PATJ: variants seen among roughly 807,000 people sequenced by gnomAD.
PATJ encodes PATJ crumbs cell polarity complex component.
PATJ carries 190 observed loss-of-function variants against 224.9 expected under a neutral mutation model. The ratio of observed to expected loss-of-function variants is 0.84; its 90% CI spans 0.75 to 0.95. PATJ has a LOEUF of 0.95. Among genes scored for constraint, PATJ ranks in the 40% least tolerant of loss-of-function variants. PATJ has a pLI of 0.00. For synonymous variants in PATJ, 769 were observed against 820.3 expected, an observed-to-expected ratio of 0.94 and a Z score of 1.07; for missense variants, 2,121 against 2,270.3, an observed-to-expected ratio of 0.93 and a Z score of 1.34.
At chr1:61,986,606 A>T (rs1179911805) in intron 27 of PATJ, among the ~76,000 whole-genome samples, 1 of 152,006 alleles carries the variant, frequency 6.6e-6, no homozygotes, top group Non-Finnish European at 1.5e-5. Flanking sequence ...TTTTTTGTAC[A>T]AACGGGGTCT....
intron 37 of PATJ, among the ~76,000 whole-genome samples, chr1:62,119,457 G>T (rs762148182): frequency 6.6e-6 from 1 of 152,148 alleles, no homozygotes; most frequent in Non-Finnish European, 1.5e-5. Flanking sequence ...ATAAGCTCTT[G>T]ACTTAATTCA....
chr1:61,949,411 A>T (rs769285834), intron 27 of PATJ, among the ~76,000 whole-genome samples: 6 of 150,182 alleles, frequency 4.0e-5, no homozygotes, highest in Non-Finnish European at 8.8e-5. Flanking sequence ...TGGTTGCACA[A>T]CTCCAATATA....
intron 27 of PATJ, among the ~76,000 whole-genome samples, chr1:61,961,735 G>C (rs944701153): frequency 6.6e-6 from 1 of 152,002 alleles, no homozygotes; most frequent in Non-Finnish European, 1.5e-5. Context: ...TTGGGAGGCC[G>C]AGGCAGGTGG....
intron 31 of PATJ, among the ~76,000 whole-genome samples, chr1:62,075,367 G>A (rs1466166918): frequency 1.3e-5 from 2 of 152,172 alleles, no homozygotes; most frequent in African/African-American, 4.8e-5. Flanking sequence ...GGACATAAAA[G>A]CATTAATAGC....
chr1:61,849,624 C>T (rs1662507141), intron 17 of PATJ, among the ~76,000 whole-genome samples: 1 of 152,124 alleles, frequency 6.6e-6, no homozygotes, highest in Admixed American at 6.6e-5. Flanking sequence ...ATGAGTTAAC[C>T]ATATTTCCTC....
intron 14 of PATJ, among the ~76,000 whole-genome samples, chr1:61,817,631 C>T (rs954172538): frequency 3.9e-5 from 6 of 152,048 alleles, no homozygotes; most frequent in African/African-American, 1.2e-4. Flanking sequence ...ATTGCACTCC[C>T]GCCTGGGCAA....
chr1:61,860,854 A>G (rs1242502651), intron 18 of PATJ, among the ~76,000 whole-genome samples: 2 of 151,140 alleles, frequency 1.3e-5, no homozygotes, highest in African/African-American at 4.9e-5. Flanking sequence ...AAAAAAGATG[A>G]GGATTGCATG....
intron 27 of PATJ, among the ~76,000 whole-genome samples, chr1:61,984,365 G>A (rs11207885): frequency 0.23 from 34,163 of 151,148 alleles, 4,274 homozygotes; most frequent in East Asian, 0.36. Context: ...TCACTATACT[G>A]GCCAGGCTGG....
chr1:62,161,389 A>C lies in PATJ; in HGVS notation c.*335A>C, dbSNP rs1669832928. 1.3e-5 allele frequency: 2 copies of C among 156,926 alleles called. No homozygotes were observed. The highest frequency in any genetic ancestry group is 1.9e-4 in the Admixed American group (2 of 10,780). The allele number at this position is 156,926 out of a possible 1,614,324, so 9.7% of individuals were successfully genotyped here. A position where few individuals can be genotyped will look rare whatever the true frequency, so the allele number is the denominator to read the frequency against. On this transcript the variant is annotated 3_prime_UTR_variant, in exon 44 of 44. Transcript: ENST00000642238. Reference sequence around the variant, plus strand: ...AGTCTCACTCTGTCACCCAGGCTGGAGTGCAATGGCGCAATCTTGGCTCAC... The same window carrying C: ...AGTCTCACTCTGTCACCCAGGCTGGCGTGCAATGGCGCAATCTTGGCTCAC...
chr1:62,118,004 G>A (rs17123113), intron 37 of PATJ, among the ~76,000 whole-genome samples: 37,747 of 151,916 alleles, frequency 0.25, 7,279 homozygotes, highest in East Asian at 0.73. Flanking sequence ...TGTTCAGAAG[G>A]TGCTCTGATC....
At chr1:61,782,044 C>G (rs977473837) in intron 7 of PATJ, among the ~76,000 whole-genome samples, 3 of 152,114 alleles carry the variant, frequency 2.0e-5, no homozygotes, top group Non-Finnish European at 4.4e-5. Context: ...TAGCATATAC[C>G]GAAGTCCTAG....
At chr1:62,148,129 A>T (rs1202255077) in intron 41 of PATJ, among the ~76,000 whole-genome samples, 155 bp from the exon 42 acceptor site, 2 of 151,206 alleles carry the variant, frequency 1.3e-5, no homozygotes, top group African/African-American at 4.8e-5. Context: ...TTTAAAAAAA[A>T]AAAAAAAAAA....
At chr1:62,023,694 T>C (rs1647230632) in intron 29 of PATJ, among the ~76,000 whole-genome samples, 2 of 152,212 alleles carry the variant, frequency 1.3e-5, no homozygotes, top group South Asian at 2.1e-4. Context: ...GATTCCACAA[T>C]TGGATACCCA....
intron 23 of PATJ, 72 bp from the exon 24 acceptor site, chr1:61,901,209 TG>T (rs1671108593): frequency 1.1e-6 from 1 of 880,944 alleles, no homozygotes; most frequent in Non-Finnish European, 1.6e-6. Context: ...AAGGATATGA[TG>T]CAAATGGAAT....
chr1:62,039,378 A>G (rs191160315), intron 30 of PATJ, among the ~76,000 whole-genome samples: 1 of 151,354 alleles, frequency 6.6e-6, no homozygotes, highest in Admixed American at 6.6e-5. Context: ...TGTTTGGAGG[A>G]AAAAAAAACA....
chr1:61,842,882 G>A (rs1244876472), intron 17 of PATJ, among the ~76,000 whole-genome samples: 1 of 152,164 alleles, frequency 6.6e-6, no homozygotes, highest in African/African-American at 2.4e-5. Context: ...AGTTGAGTGT[G>A]ATGTCAGTAT....
At position 61,799,168 on chromosome 1, in the gene PATJ, T is replaced by TA. The variant is rs892605185; in HGVS notation, c.1402+1747dup. ...ATAGTCCAAATTGTACAAATGCCAT[T>TA]AAAAAAATTTTTTTTAATGATTTAT... On this transcript the variant is annotated intron_variant, in intron 11 of 43. Transcript: ENST00000642238. 4.6e-5 allele frequency among the ~76,000 whole-genome samples: 7 copies of TA among 152,128 alleles called. No individual in the cohort carries two copies. The South Asian group carries it at 1.0e-3, about 22-fold the overall frequency.
intron 20 of PATJ, among the ~76,000 whole-genome samples, chr1:61,872,126 G>A (rs1666724717): frequency 6.6e-6 from 1 of 152,020 alleles, no homozygotes; most frequent in Non-Finnish European, 1.5e-5. Flanking sequence ...CTTTGTTTAA[G>A]AAGTCCAAAT....
intron 1 of PATJ, among the ~76,000 whole-genome samples, chr1:61,751,851 A>T (rs1023554559): frequency 2.6e-5 from 4 of 151,538 alleles, no homozygotes; most frequent in African/African-American, 4.8e-5. Flanking sequence ...ATAATAAAAT[A>T]AAAAAGGCCG....
Sources: allele counts gnomAD v4.1 joint callset (sites outside exome capture counted in the v4.1 genomes callset), GRCh38; gene constraint gnomAD v4.1.1; transcripts MANE v1.5; gene names NCBI Gene and HGNC (gene_info 2026-07-23, HGNC 2026-07-21).